The following XKR9 variants were observed in gnomAD, a reference collection of about 807,000 sequenced individuals.
The protein encoded by XKR9 is XK related 9.
XKR9 carries 32 observed loss-of-function variants against 32.0 expected under a neutral mutation model. That is an observed-to-expected ratio of 1.00 (90% CI 0.76 to 1.34). The LOEUF (loss-of-function observed/expected upper bound fraction) is 1.34, where lower values mean the gene tolerates loss of function less well. Among genes scored for constraint, XKR9 ranks in the 40% most tolerant of loss-of-function variants. The pLI, the probability that XKR9 is intolerant of heterozygous loss-of-function variation, is 0.00. For missense variants in XKR9, 546 were observed against 429.7 expected (o/e 1.27, Z -2.39); for synonymous variants, 168 against 143.4 (o/e 1.17, Z -1.22).
At chr8:71,063,452 G>A in the XKR9 span, among the ~76,000 whole-genome samples, 1 of 152,070 alleles carries the variant, frequency 6.6e-6, no homozygotes. Context: ...AATTCTGCAT[G>A]TGGGTTGAGA....
At chr8:70,824,042 G>T in the XKR9 span, among the ~76,000 whole-genome samples, 5 of 152,136 alleles carry the variant, frequency 3.3e-5, no homozygotes, top group African/African-American at 1.2e-4. Context: ...AGTCTTTTGA[G>T]AATTTTTCAG....
chr8:70,962,120 G>C, the XKR9 span, among the ~76,000 whole-genome samples: 7 of 152,086 alleles, frequency 4.6e-5, no homozygotes, highest in Non-Finnish European at 8.8e-5. Context: ...TTTTTAACTA[G>C]AGATATTCGT....
chr8:70,685,911 ATAATT>A (rs2132121483), intron 3 of XKR9, among the ~76,000 whole-genome samples: 1 of 151,706 alleles, frequency 6.6e-6, no homozygotes, highest in Admixed American at 6.6e-5. Flanking sequence ...TTATATTTAA[ATAATT>A]TAAATAAAAT....
In XKR9 at chr8:70,685,490, T is replaced by TATAATAATAATAATAATA. The variant is rs56223664; in HGVS notation, c.272+4165_272+4182dup. Among the ~76,000 whole-genome samples, 74 of 141,720 alleles carry TATAATAATAATAATAATA rather than the reference T, an allele frequency of 5.2e-4. 1 individual carries two copies. Among genetic ancestry groups the TATAATAATAATAATAATA allele is most frequent in the Middle Eastern group, 3.6e-3 (1 of 276 alleles). The allele number at this position is 141,720 out of a possible 152,430, so 93.0% of individuals were successfully genotyped here. Reference sequence around the variant, plus strand: ...CACACATGTACCGTAAAACTTAAAGTATAATAATAATAATAATAATAAAGA... The same window carrying TATAATAATAATAATAATA: ...CACACATGTACCGTAAAACTTAAAGTATAATAATAATAATAATAATAATAATAATAATAATAATAAAGA... On this transcript the variant is annotated intron_variant, in intron 3 of 4. Transcript: ENST00000408926.
intron 3 of XKR9, among the ~76,000 whole-genome samples, chr8:70,701,261 A>G (rs1202077024): frequency 1.3e-5 from 2 of 152,240 alleles, no homozygotes; most frequent in East Asian, 3.9e-4. Flanking sequence ...AAATGCAGAA[A>G]TCACCCATCT....
Position 70,707,012 on chromosome 8 carries a change from A to C in XKR9, c.352A>C (p.Ile118Leu). The change falls in exon 4 of 5, where the codon ATT becomes CTT. Residue 118 changes from isoleucine to leucine, a missense_variant. Physicochemically the swap from Ile to Leu is conservative, Grantham distance 5 (BLOSUM62 2). Coordinates refer to ENST00000408926, the MANE Select transcript of XKR9 (RefSeq NM_001011720.2). The stretch of plus-strand genomic sequence containing the variant: ...TACTAGTAACTTCGTGGAAGAACAA[A>C]TTGATCTACATAAAGAAGTTATAGA... ...SNTSNFVEEQ[I>L]DLHKEVIDRV... 6.2e-7 allele frequency: 1 copy of C among 1,613,448 alleles called. No homozygotes were observed.
chr8:70,939,992 A>G, the XKR9 span, among the ~76,000 whole-genome samples: 1 of 152,076 alleles, frequency 6.6e-6, no homozygotes, highest in South Asian at 2.1e-4. Context: ...TAATTTACCC[A>G]AAGCTAGTAT....
At chr8:70,899,106 G>C in the XKR9 span, among the ~76,000 whole-genome samples, 6 of 151,954 alleles carry the variant, frequency 3.9e-5, no homozygotes, top group Non-Finnish European at 7.4e-5. Flanking sequence ...TTGTAGTGAT[G>C]GGGTCTCACT....
chr8:70,925,653 T>A, the XKR9 span, among the ~76,000 whole-genome samples: 1 of 152,224 alleles, frequency 6.6e-6, no homozygotes, highest in Non-Finnish European at 1.5e-5. Flanking sequence ...GGTTATGTGA[T>A]GTGCATCTAA....
the XKR9 span, among the ~76,000 whole-genome samples, chr8:70,928,863 C>T: frequency 6.6e-6 from 1 of 152,120 alleles, no homozygotes; most frequent in South Asian, 2.1e-4. Context: ...TAAAACAAAT[C>T]CAACTATAGG....
At chr8:70,890,106 A>G in the XKR9 span, among the ~76,000 whole-genome samples, 13 of 151,788 alleles carry the variant, frequency 8.6e-5, no homozygotes, top group East Asian at 7.7e-4. Context: ...CTTTTTAATG[A>G]TAGGTATTCT....
the XKR9 span, among the ~76,000 whole-genome samples, chr8:70,874,425 A>T: frequency 6.6e-6 from 1 of 152,220 alleles, no homozygotes; most frequent in African/African-American, 2.4e-5. Context: ...ATAAGTAGAA[A>T]TGTTACTAAA....
At chr8:70,770,216 TG>T (rs1272847493) in intron 2 of XKR9, among the ~76,000 whole-genome samples, 29 of 152,200 alleles carry the variant, frequency 1.9e-4, no homozygotes, top group African/African-American at 7.0e-4. Context: ...GCAGATCAGC[TG>T]GAGTTTGCTG....
chr8:71,008,554 C>T, the XKR9 span, among the ~76,000 whole-genome samples: 20 of 152,300 alleles, frequency 1.3e-4, no homozygotes, highest in East Asian at 3.3e-3. Flanking sequence ...TCCCTCACCA[C>T]TGAACTATTG....
At chr8:70,824,721 A>AAATGTCT in the XKR9 span, among the ~76,000 whole-genome samples, 1 of 152,022 alleles carries the variant, frequency 6.6e-6, no homozygotes, top group Non-Finnish European at 1.5e-5. Context: ...TTTTTACCCT[A>AAATGTCT]GGAACATTGG....
At chr8:70,867,951 G>A in the XKR9 span, among the ~76,000 whole-genome samples, 2 of 152,280 alleles carry the variant, frequency 1.3e-5, no homozygotes, top group East Asian at 1.9e-4. Flanking sequence ...AAACAAAGGG[G>A]CCACAAGCCC....
the XKR9 span, among the ~76,000 whole-genome samples, chr8:70,829,267 A>G: frequency 4.1e-3 from 622 of 152,066 alleles, 1 homozygote; most frequent in Non-Finnish European, 7.0e-3. Flanking sequence ...GTATAGGTTA[A>G]ACAGGAAAAT....
chr8:71,038,231 TTC>T, the XKR9 span, among the ~76,000 whole-genome samples: 1 of 152,046 alleles, frequency 6.6e-6, no homozygotes, highest in African/African-American at 2.4e-5. Context: ...ATTTATTTCT[TTC>T]TCTTTTTCTT....
the XKR9 span, among the ~76,000 whole-genome samples, chr8:70,914,911 G>C: frequency 1.7e-4 from 26 of 152,200 alleles, no homozygotes; most frequent in African/African-American, 6.0e-4. Flanking sequence ...AGTGAAGAAA[G>C]AGTTTAATTG....
Sources: allele counts gnomAD v4.1 joint callset (sites outside exome capture counted in the v4.1 genomes callset), GRCh38; gene constraint gnomAD v4.1.1; transcripts MANE v1.5; gene names NCBI Gene and HGNC (gene_info 2026-07-23, HGNC 2026-07-21).